PPFIA2: variants seen among roughly 807,000 people sequenced by gnomAD.
The protein encoded by PPFIA2 is PPFI scaffold protein A2.
In PPFIA2, 46 loss-of-function variants were observed where a neutral mutation model predicts 175.5. That is an observed-to-expected ratio of 0.26 (90% CI 0.21 to 0.34). The LOEUF is 0.34. PPFIA2 is among the 10% of genes least tolerant of loss of function. The probability of loss-of-function intolerance (pLI) is 1.00; values close to 1 mark genes in which losing one functional copy is unlikely to be tolerated. For synonymous variants in PPFIA2, 568 were observed against 511.4 expected (o/e 1.11, Z -1.49); for missense variants, 1,179 against 1,506.1 (o/e 0.78, Z 3.60).
intron 6 of PPFIA2, among the ~76,000 whole-genome samples, chr12:81,442,845 CTTCATATA>C (rs1173681362): frequency 5.8e-5 from 3 of 51,524 alleles, no homozygotes; most frequent in Non-Finnish European, 7.2e-5. Context: ...CTTTTTCTGA[CTTCATATA>C]TATATATATA....
chr12:81,536,877 G>A (rs1241238553), intron 4 of PPFIA2, among the ~76,000 whole-genome samples: 1 of 149,738 alleles, frequency 6.7e-6, no homozygotes, highest in Non-Finnish European at 1.5e-5. Context: ...ACATGACATA[G>A]CTAGAAAAAC....
chr12:81,432,439 T>C (rs1453985064), intron 7 of PPFIA2, among the ~76,000 whole-genome samples: 3 of 151,202 alleles, frequency 2.0e-5, no homozygotes, highest in African/African-American at 7.3e-5. Flanking sequence ...CTATCTCACA[T>C]ACTGGCCTTC....
intron 4 of PPFIA2, among the ~76,000 whole-genome samples, chr12:81,611,314 G>A (rs982721928): frequency 6.6e-6 from 1 of 152,118 alleles, no homozygotes; most frequent in Non-Finnish European, 1.5e-5. Flanking sequence ...TGGGGCCCGG[G>A]ACCCAGCAAC....
chr12:81,598,238 T>C (rs1259130232), intron 4 of PPFIA2: 20 of 1,350,948 alleles, frequency 1.5e-5, no homozygotes, highest in Non-Finnish European at 1.9e-5. Flanking sequence ...CCACCGACCT[T>C]TTGTGAAGCT....
chr12:81,438,288 T>C (rs2049471077), intron 7 of PPFIA2, among the ~76,000 whole-genome samples: 1 of 151,974 alleles, frequency 6.6e-6, no homozygotes. Flanking sequence ...ACCAACATGG[T>C]GAAACCCCGT....
intron 5 of PPFIA2, among the ~76,000 whole-genome samples, chr12:81,453,412 G>C (rs2053014607): frequency 6.6e-6 from 1 of 151,916 alleles, no homozygotes; most frequent in Admixed American, 6.6e-5. Context: ...CTCTTCATTA[G>C]TTCAGATAAC....
intron 4 of PPFIA2, among the ~76,000 whole-genome samples, chr12:81,510,520 C>A (rs1367007849): frequency 6.6e-6 from 1 of 152,086 alleles, no homozygotes; most frequent in Non-Finnish European, 1.5e-5. Context: ...AAGCTCTTTA[C>A]AGATTTTATT....
At chr12:81,627,065 C>A (rs2062798256) in intron 4 of PPFIA2, among the ~76,000 whole-genome samples, 1 of 151,850 alleles carries the variant, frequency 6.6e-6, no homozygotes, top group Admixed American at 6.6e-5. Context: ...CTTTAAAAAG[C>A]AAGAGTCATT....
chr12:81,323,610 A>G (rs922569338), intron 22 of PPFIA2, among the ~76,000 whole-genome samples: 4 of 152,096 alleles, frequency 2.6e-5, no homozygotes, highest in Non-Finnish European at 5.9e-5. Flanking sequence ...GAAATTTTAA[A>G]CACTTGGAAA....
At chr12:81,751,240 A>G (rs890463630) in intron 3 of PPFIA2, among the ~76,000 whole-genome samples, 1 of 152,098 alleles carries the variant, frequency 6.6e-6, no homozygotes, top group Non-Finnish European at 1.5e-5. Context: ...GATATCCTCA[A>G]AGTATTTTTA....
chr12:81,462,720 GCTAGCT>G (rs1256864745), intron 4 of PPFIA2, among the ~76,000 whole-genome samples: 1 of 150,836 alleles, frequency 6.6e-6, no homozygotes, highest in East Asian at 1.9e-4. Flanking sequence ...CTAGGAATAG[GCTAGCT>G]CTAGTGCTGA....
At chr12:81,448,047 G>GT (rs2145396117) in intron 5 of PPFIA2, among the ~76,000 whole-genome samples, 1 of 151,884 alleles carries the variant, frequency 6.6e-6, no homozygotes, top group African/African-American at 2.4e-5. Context: ...GCATAATATA[G>GT]TCGTTCAATA....
chr12:81,599,353 T>A (rs2059569022), intron 4 of PPFIA2, among the ~76,000 whole-genome samples: 1 of 152,016 alleles, frequency 6.6e-6, no homozygotes, highest in Non-Finnish European at 1.5e-5. Context: ...CAATTATGCA[T>A]GAAGTTTATA....
chr12:81,432,361 C>T (rs540090803), intron 7 of PPFIA2, among the ~76,000 whole-genome samples: 4 of 151,772 alleles, frequency 2.6e-5, no homozygotes, highest in African/African-American at 4.8e-5. Flanking sequence ...CTCAGTGTAA[C>T]GAGTAGGTAG....
At chr12:81,597,740 C>T (rs1403862657) in intron 4 of PPFIA2, among the ~76,000 whole-genome samples, 2 of 42,030 alleles carry the variant, frequency 4.8e-5, no homozygotes, top group Non-Finnish European at 8.5e-5. Flanking sequence ...AAATTGTGTT[C>T]ACTATTTTTT....
intron 22 of PPFIA2, among the ~76,000 whole-genome samples, chr12:81,300,820 A>G (rs934252302): frequency 9.2e-5 from 14 of 152,150 alleles, no homozygotes; most frequent in African/African-American, 3.1e-4. Context: ...ATATATAGAA[A>G]TGGATTGAAG....
intron 4 of PPFIA2, among the ~76,000 whole-genome samples, chr12:81,464,342 G>A (rs573350410): frequency 7.2e-5 from 11 of 152,240 alleles, no homozygotes; most frequent in Admixed American, 6.6e-4. Flanking sequence ...ACACAGATGA[G>A]AAAAGTAGAA....
chr12:81,401,944 TTTC>T (rs2042159249), intron 8 of PPFIA2, among the ~76,000 whole-genome samples: 1 of 152,194 alleles, frequency 6.6e-6, no homozygotes. Context: ...AAGTGTATTT[TTTC>T]TTTTTATTTT....
In PPFIA2 at chr12:81,331,606, T is replaced by C. The variant is rs903639366; in HGVS notation, c.2549-5736A>G. Among the ~76,000 whole-genome samples, 6 of 152,330 alleles carry C rather than the reference T, an allele frequency of 3.9e-5. No homozygotes were observed. The South Asian group carries it at 1.2e-3, about 32-fold the overall frequency. On this transcript the variant is annotated intron_variant, in intron 21 of 32. Coordinates refer to ENST00000549396, the MANE Select transcript of PPFIA2 (RefSeq NM_003625.5). ...CCATTTAGAGGCAAAAAAAGCTCTTTAAATGTGTATATTGCTTTTCATACG... is the reference window on the plus strand; with the variant it reads ...CCATTTAGAGGCAAAAAAAGCTCTTCAAATGTGTATATTGCTTTTCATACG...
Sources: gnomAD v4.1 joint callset for allele counts (sites outside exome capture counted in the v4.1 genomes callset) on GRCh38, gnomAD v4.1.1 for gene constraint, MANE v1.5 for transcripts, NCBI Gene and HGNC (gene_info 2026-07-23, HGNC 2026-07-21) for gene names.